The following ENOX1 variants were observed in gnomAD, a reference collection of about 807,000 sequenced individuals.
The protein encoded by ENOX1 is candidate growth-related and time keeping constitutive hydroquinone (NADH) oxidase.
ENOX1 carries 42 observed loss-of-function variants against 82.5 expected under a neutral mutation model. The observed-to-expected ratio is 0.51, with a 90% CI of 0.40 to 0.66. ENOX1 has a LOEUF of 0.66. ENOX1 is among the 30% of genes least tolerant of loss of function. The pLI, the probability that ENOX1 is intolerant of heterozygous loss-of-function variation, is 0.00. For synonymous variants in ENOX1, 271 were observed against 282.2 expected (o/e 0.96, Z 0.40); for missense variants, 608 against 811.6 (o/e 0.75, Z 3.05).
chr13:43,655,993 C>T (rs1299245447), intron 2 of ENOX1, among the ~76,000 whole-genome samples: 1 of 152,156 alleles, frequency 6.6e-6, no homozygotes, highest in African/African-American at 2.4e-5. Context: ...ACTGTCTTGA[C>T]CTCATCCAAA....
chr13:43,549,788 T>C (rs73182331), intron 2 of ENOX1, among the ~76,000 whole-genome samples: 1 of 152,302 alleles, frequency 6.6e-6, no homozygotes, highest in Non-Finnish European at 1.5e-5. Context: ...AGTTCCAACA[T>C]GTCTGGTTTC....
chr13:43,759,876 G>C (rs1049698142), intron 1 of ENOX1, among the ~76,000 whole-genome samples: 1 of 152,162 alleles, frequency 6.6e-6, no homozygotes, highest in African/African-American at 2.4e-5. Context: ...TAATTACTGA[G>C]CATCTTCTAT....
In ENOX1 at chr13:43,328,253, G is replaced by T. The variant is rs575133335; in HGVS notation, c.1037-1728C>A. ...TTCCAGTGGATCACCGGGGCTTTCT[G>T]CATGTTTTGTCTGTACACAGGCTGG... On this transcript the variant is annotated intron_variant, in intron 9 of 16. Coordinates refer to ENST00000690772, the MANE Select transcript of ENOX1 (RefSeq NM_001347969.2). Among the ~76,000 whole-genome samples, 3 of 152,188 alleles carry T rather than the reference G, an allele frequency of 2.0e-5. No individual in the cohort carries two copies. The East Asian group carries it at 5.8e-4, about 29-fold the overall frequency.
In ENOX1 at chr13:43,610,274, G is replaced by A. The variant is rs540423344; in HGVS notation, c.-219+57205C>T. 4.6e-5 allele frequency among the ~76,000 whole-genome samples: 7 copies of A among 152,202 alleles called. No individual in the cohort carries two copies. The East Asian group carries it at 1.3e-3, about 29-fold the overall frequency. ...ATAAATTGTAACTTTTTCAAACTGG[G>A]ACTCATCTAATTACATGCATGGGAG... On this transcript the variant is annotated intron_variant, in intron 2 of 16. Coordinates refer to ENST00000690772, the MANE Select transcript of ENOX1 (RefSeq NM_001347969.2).
chr13:43,705,671 A>G (rs1475736906), intron 1 of ENOX1, among the ~76,000 whole-genome samples: 1 of 152,072 alleles, frequency 6.6e-6, no homozygotes, highest in Non-Finnish European at 1.5e-5. Flanking sequence ...TATGAAACAA[A>G]GACTTAGTAG....
chr13:43,750,176 G>C (rs79469165), intron 1 of ENOX1, among the ~76,000 whole-genome samples: 1,958 of 152,196 alleles, frequency 0.013, 12 homozygotes, highest in Non-Finnish European at 0.018. Context: ...ACTCCCAGGA[G>C]GAAGAAAAAA....
intron 5 of ENOX1, among the ~76,000 whole-genome samples, chr13:43,403,304 G>T (rs541461599): frequency 6.6e-6 from 1 of 152,028 alleles, no homozygotes; most frequent in Non-Finnish European, 1.5e-5. Flanking sequence ...AGAAGAGGTC[G>T]ATCTAATGCT....
intron 2 of ENOX1, among the ~76,000 whole-genome samples, chr13:43,554,081 A>G (rs2079328620): frequency 6.6e-6 from 1 of 152,194 alleles, no homozygotes. Flanking sequence ...TAAGTGCACT[A>G]ATGCTACTTG....
intron 2 of ENOX1, among the ~76,000 whole-genome samples, chr13:43,550,018 A>C (rs889013206): frequency 6.6e-6 from 1 of 152,230 alleles, no homozygotes; most frequent in Admixed American, 6.5e-5. Context: ...ACCTCAGATC[A>C]TAAGGCATCA....
intron 14 of ENOX1, among the ~76,000 whole-genome samples, chr13:43,253,745 C>T (rs141380245): frequency 3.2e-4 from 48 of 152,272 alleles, no homozygotes; most frequent in African/African-American, 1.1e-3. Context: ...TGCTTTTATA[C>T]CACTAATCCT....
At chr13:43,775,745 C>G (rs1377289274) in intron 1 of ENOX1, among the ~76,000 whole-genome samples, 1 of 152,088 alleles carries the variant, frequency 6.6e-6, no homozygotes, top group African/African-American at 2.4e-5. Flanking sequence ...CTAGGGGGGC[C>G]TACACGGTTG....
chr13:43,359,976 T>A lies in ENOX1; in HGVS notation c.464A>T (p.Glu155Val). Residue 155 changes from glutamate (E) to valine (V), a missense_variant, in exon 7 of 17, where the codon GAG (glutamate) becomes GTG (valine). By Grantham distance (121) the Glu-to-Val change is moderately radical. Coordinates refer to ENST00000690772, the MANE Select transcript of ENOX1 (RefSeq NM_001347969.2). ...TTCAAAGACTTCTTGAATAATTTCC[T>A]CAGTAGCATTTTCTGGTAATCCTCC... is the stretch of plus-strand genomic sequence containing the variant. ...FVGGLPENATEEIIQEVFEQC... is the reference protein window; with the variant it reads ...FVGGLPENATVEIIQEVFEQC... 6.2e-7 allele frequency: 1 copy of A among 1,614,256 alleles called. No homozygotes were observed. Among genetic ancestry groups the A allele is most frequent in the South Asian group, 1.1e-5 (1 of 91,086 alleles).
At chr13:43,394,851 A>G (rs2053039676) in intron 5 of ENOX1, 1 of 144,230 alleles carries the variant, frequency 6.9e-6, no homozygotes, top group Non-Finnish European at 1.5e-5. Context: ...CTCCCCACAT[A>G]ATAAAACCTT....
intron 2 of ENOX1, among the ~76,000 whole-genome samples, chr13:43,641,157 A>G (rs1445577406): frequency 3.9e-5 from 6 of 152,186 alleles, no homozygotes; most frequent in African/African-American, 1.4e-4. Flanking sequence ...GCATCAAGGT[A>G]TATCTGATCA....
At chr13:43,247,864 TATATATATATATATA>T (rs1566329649) in intron 14 of ENOX1, among the ~76,000 whole-genome samples, 41 of 2,264 alleles carry the variant, frequency 0.018, 5 homozygotes, top group Admixed American at 0.058. Context: ...TATATATATA[TATATATATATATATA>T]TATATTTTTT....
intron 2 of ENOX1, among the ~76,000 whole-genome samples, chr13:43,588,462 A>G (rs1027906787): frequency 1.3e-5 from 2 of 152,252 alleles, no homozygotes; most frequent in South Asian, 4.1e-4. Context: ...TGAGAAATCC[A>G]TATAACCCTT....
intron 2 of ENOX1, among the ~76,000 whole-genome samples, chr13:43,533,506 C>G (rs2078320672): frequency 6.6e-6 from 1 of 151,976 alleles, no homozygotes. Context: ...GTTTTGTCAC[C>G]CAACTACCTT....
intron 12 of ENOX1, among the ~76,000 whole-genome samples, chr13:43,281,782 T>C (rs1349653722): frequency 1.3e-5 from 2 of 152,164 alleles, no homozygotes; most frequent in African/African-American, 2.4e-5. Flanking sequence ...CCAAGGTTAG[T>C]GTTGATGACT....
chr13:43,408,677 G>A (rs1195216995), intron 5 of ENOX1, among the ~76,000 whole-genome samples: 1 of 152,138 alleles, frequency 6.6e-6, no homozygotes, highest in Non-Finnish European at 1.5e-5. Context: ...CATCAGATAT[G>A]TCATGTAAAC....
Sources: gnomAD v4.1 joint callset for allele counts (sites outside exome capture counted in the v4.1 genomes callset) on GRCh38, gnomAD v4.1.1 for gene constraint, MANE v1.5 for transcripts, NCBI Gene and HGNC (gene_info 2026-07-23, HGNC 2026-07-21) for gene names.